The following UBA6 variants were observed in gnomAD, a reference collection of about 807,000 sequenced individuals.
UBA6 encodes ubiquitin-like modifier-activating enzyme 6.
In UBA6, 87 loss-of-function variants were observed where a neutral mutation model predicts 148.3. The ratio of observed to expected loss-of-function variants is 0.59; its 90% confidence interval spans 0.49 to 0.70. UBA6 has a LOEUF of 0.70. UBA6 is among the 30% of genes least tolerant of loss of function. UBA6 has a pLI of 0.00. For missense variants in UBA6, 1,186 were observed against 1,241.2 expected (o/e 0.96, Z 0.67); for synonymous variants, 376 against 401.0 (o/e 0.94, Z 0.75).
intron 11 of UBA6, 38 bp from the exon 12 acceptor site, chr4:67,663,253 G>A (rs1560492289): frequency 5.0e-6 from 7 of 1,407,212 alleles, no homozygotes; most frequent in African/African-American, 1.4e-5. Context: ...CATTTACTGA[G>A]TGGTTGTATG....
intron 23 of UBA6, among the ~76,000 whole-genome samples, chr4:67,632,683 AAAG>A (rs1303461098): frequency 3.0e-4 from 46 of 152,320 alleles, no homozygotes; most frequent in African/African-American, 8.2e-4. Flanking sequence ...TTGAAAGTAA[AAAG>A]AAGAAGTATA....
intron 14 of UBA6, among the ~76,000 whole-genome samples, chr4:67,647,567 T>C (rs909281383): frequency 7.2e-5 from 11 of 152,102 alleles, no homozygotes; most frequent in Non-Finnish European, 1.5e-4. Flanking sequence ...TCACACACTA[T>C]AGGAAAATAA....
chr4:67,696,997 TTG>T (rs1017346148), intron 1 of UBA6, among the ~76,000 whole-genome samples: 18 of 151,896 alleles, frequency 1.2e-4, no homozygotes, highest in South Asian at 2.1e-4. Flanking sequence ...GTTGTTGTTG[TTG>T]TTTGTTTGTT....
rs562109083 is a variant in UBA6 at position 67,637,415 on chromosome 4, G to A, written c.1736+1528C>T. Among the ~76,000 whole-genome samples, 1,131 of 151,604 alleles carry A rather than the reference G, an allele frequency of 7.5e-3. 14 individuals are homozygous for A. Among genetic ancestry groups the A allele is most frequent in the African/African-American group, 0.026 (1,079 of 41,306 alleles). On this transcript the variant is annotated intron_variant, in intron 19 of 32. Coordinates refer to ENST00000322244, the MANE Select transcript of UBA6 (RefSeq NM_018227.6). ...AAGTGAGGAGCCCCTCTGCCCGGCTGCCACCCCGTCTGGGAGGTGTACCCA... is the reference window on the plus strand; with the variant it reads ...AAGTGAGGAGCCCCTCTGCCCGGCTACCACCCCGTCTGGGAGGTGTACCCA...
In UBA6 at chr4:67,626,407, G is replaced by A. The variant is rs974676505; in HGVS notation, c.2471C>T (p.Ala824Val). Residue 824 changes from alanine to valine, a missense_variant, in exon 28 of 33, where the codon GCA becomes GTA. By Grantham distance (64) the Ala-to-Val change is moderately conservative. Transcript: ENST00000322244. ...VPISSEDERN[A>V]IFQLEKAILS... is the part of the protein sequence containing the mutation. ...AATAGCCTTTTCTAGTTGGAAAATT[G>A]CATTCCTCTCATCTTCACTGCTAAT... is the stretch of plus-strand genomic sequence containing the variant. The A allele has an allele frequency of 5.0e-6, 8 of 1,611,256 alleles. No individual in the cohort carries two copies. The Admixed American group carries it at 1.0e-4, about 20-fold the overall frequency.
intron 1 of UBA6, among the ~76,000 whole-genome samples, chr4:67,700,491 G>A (rs749073617): frequency 6.6e-6 from 1 of 151,364 alleles, no homozygotes; most frequent in East Asian, 1.9e-4. Context: ...AACCAAGTGG[G>A]AAATAAGAAT....
intron 23 of UBA6, 96 bp downstream of exon 23, chr4:67,633,249 G>C: frequency 1.8e-6 from 2 of 1,117,720 alleles, no homozygotes; most frequent in African/African-American, 1.6e-5. Flanking sequence ...CTTGCCAAAA[G>C]AAAGAATACA....
At chr4:67,643,788 G>A (rs1422825074) in intron 17 of UBA6, among the ~76,000 whole-genome samples, 1 of 152,004 alleles carries the variant, frequency 6.6e-6, no homozygotes, top group African/African-American at 2.4e-5. Context: ...AAGTCAGTAG[G>A]TTTCTTCATT....
At chr4:67,694,954 A>G (rs897306821) in intron 2 of UBA6, among the ~76,000 whole-genome samples, 10 of 152,248 alleles carry the variant, frequency 6.6e-5, no homozygotes, top group Admixed American at 3.3e-4. Context: ...GCTTACCTCT[A>G]ATAATAACAG....
chr4:67,621,357 CAG>C (rs1577784720), intron 32 of UBA6, among the ~76,000 whole-genome samples: 1 of 152,216 alleles, frequency 6.6e-6, no homozygotes. Context: ...AACCATCATG[CAG>C]AGATTCATTT....
At chr4:67,688,756 T>C (rs1448181547) in intron 2 of UBA6, among the ~76,000 whole-genome samples, 4 of 152,154 alleles carry the variant, frequency 2.6e-5, no homozygotes, top group Non-Finnish European at 5.9e-5. Context: ...TGTACAAATA[T>C]TAAAAACATC....
chr4:67,632,755 G>A (rs1432670150), intron 23 of UBA6, among the ~76,000 whole-genome samples: 1 of 152,110 alleles, frequency 6.6e-6, no homozygotes, highest in African/African-American at 2.4e-5. Context: ...AGCTACTTAA[G>A]GGCTGAGGCA....
rs950655305 is a variant in UBA6, at chr4:67,655,424, T to C, written c.1105-6213A>G. ...ACAACTACATGGAAACTGAACAACC[T>C]GCTCCTCAATGACTACTGGGTAAAT... On this transcript the variant is annotated intron_variant, in intron 13 of 32. Coordinates refer to ENST00000322244, the MANE Select transcript of UBA6 (RefSeq NM_018227.6). 3.9e-5 allele frequency among the ~76,000 whole-genome samples: 6 copies of C among 152,282 alleles called. 1 individual carries two copies. Among genetic ancestry groups the C allele is most frequent in the African/African-American group, 1.4e-4 (6 of 41,560 alleles).
intron 29 of UBA6, 94 bp from the exon 30 acceptor site, chr4:67,624,347 C>T (rs1011447454): frequency 2.5e-6 from 3 of 1,208,956 alleles, no homozygotes; most frequent in African/African-American, 3.1e-5. Flanking sequence ...TCAAGCATTT[C>T]TCTGTGGATA....
At chr4:67,671,443 T>TC (rs1375295186) in intron 7 of UBA6, among the ~76,000 whole-genome samples, 2 of 151,994 alleles carry the variant, frequency 1.3e-5, no homozygotes, top group Non-Finnish European at 2.9e-5. Flanking sequence ...ATATAGCTTT[T>TC]TTTTTTTTAC....
chr4:67,632,634 T>C (rs1729026294), intron 23 of UBA6, among the ~76,000 whole-genome samples: 1 of 152,134 alleles, frequency 6.6e-6, no homozygotes, highest in African/African-American at 2.4e-5. Flanking sequence ...GTGGTAACAT[T>C]GAGTAGTACA....
At chr4:67,627,568 G>A (rs976062662) in intron 27 of UBA6, among the ~76,000 whole-genome samples, 5 of 151,870 alleles carry the variant, frequency 3.3e-5, no homozygotes, top group African/African-American at 1.2e-4. Flanking sequence ...GGAAACATGG[G>A]CTGGGAACCT....
chr4:67,662,612 C>T, intron 12 of UBA6: 1 of 198,116 alleles, frequency 5.0e-6, no homozygotes, highest in Non-Finnish European at 1.0e-5. Flanking sequence ...TACCGGCATG[C>T]ACCACCACGC....
At chr4:67,622,995 T>C (rs1306299289) in intron 31 of UBA6, 70 bp from the exon 32 acceptor site, 2 of 1,412,404 alleles carry the variant, frequency 1.4e-6, no homozygotes, top group Admixed American at 2.0e-5. Flanking sequence ...TTTAACATTG[T>C]TCGTAAACAA....
Sources: allele counts gnomAD v4.1 joint callset (sites outside exome capture counted in the v4.1 genomes callset), GRCh38; gene constraint gnomAD v4.1.1; transcripts MANE v1.5; gene names NCBI Gene and HGNC (gene_info 2026-07-23, HGNC 2026-07-21).